Variants in PPM1G observed in about 807,000 individuals in gnomAD.
The protein encoded by PPM1G is protein phosphatase 1G.
Under a neutral mutation model 59.4 loss-of-function variants are expected in PPM1G, and 12 were observed. The ratio of observed to expected loss-of-function variants is 0.20; its 90% confidence interval spans 0.13 to 0.33. PPM1G has a LOEUF of 0.33. Among genes scored for constraint, PPM1G ranks in the 10% least tolerant of loss-of-function variants. The pLI, the probability that PPM1G is intolerant of heterozygous loss-of-function variation, is 1.00. For missense variants in PPM1G, 392 were observed against 681.3 expected (o/e 0.58, Z 4.73); for synonymous variants, 245 against 251.9 (o/e 0.97, Z 0.26).
At chr2:27,399,599 G>A (rs971621364) in intron 1 of PPM1G, among the ~76,000 whole-genome samples, 7 of 152,034 alleles carry the variant, frequency 4.6e-5, no homozygotes, top group Non-Finnish European at 1.0e-4. Flanking sequence ...GCTTGAATCT[G>A]GACAGAGTGA....
At chr2:27,404,616 C>A (rs1663296986) in intron 1 of PPM1G, among the ~76,000 whole-genome samples, 1 of 151,698 alleles carries the variant, frequency 6.6e-6, no homozygotes, top group African/African-American at 2.4e-5. Context: ...ACCTCACAAC[C>A]AAATATTAAA....
intron 1 of PPM1G, among the ~76,000 whole-genome samples, chr2:27,390,714 C>T (rs1683879486): frequency 6.6e-6 from 1 of 152,086 alleles, no homozygotes; most frequent in Non-Finnish European, 1.5e-5. Flanking sequence ...GAAAGGTATA[C>T]TGTGTGATGC....
chr2:27,404,439 A>G (rs1663291521), intron 1 of PPM1G, among the ~76,000 whole-genome samples: 2 of 151,954 alleles, frequency 1.3e-5, no homozygotes, highest in Admixed American at 6.6e-5. Context: ...AATCCCAGCT[A>G]TTTGGAAGGC....
chr2:27,384,129 A>T lies in PPM1G; in HGVS notation c.826-37T>A. ...AGGATCCCAGACTGCTGAGACTGGG[A>T]TGATCCCCTCCCTCCCCACAGCTCA... On this transcript the variant is annotated intron_variant, in intron 5 of 9. Transcript: ENST00000344034. The surrounding 1 kb of genome is among the most constrained non-coding windows in gnomAD (Gnocchi z 4.8). The T allele has an allele frequency of 6.2e-7, 1 of 1,613,470 alleles. No homozygotes were observed. Among genetic ancestry groups the T allele is most frequent in the East Asian group, 2.2e-5 (1 of 44,876 alleles).
Position 27,382,111 on chromosome 2 carries a change from C to T in PPM1G, c.1434+15G>A. 6.2e-7 allele frequency: 1 copy of T among 1,609,488 alleles called. No individual in the cohort carries two copies. ...TGCAGACCAGACACCCTCTCTTCTC[C>T]ACCCTGGTACTCACCTCTTCCACAA... On this transcript the variant is annotated intron_variant, in intron 9 of 9. Transcript: ENST00000344034. This position sits in a 1 kb window ranked among gnomAD's most constrained non-coding sequence, Gnocchi z 4.2.
At chr2:27,392,791 T>C (rs1001767657) in intron 1 of PPM1G, 2 of 1,477,484 alleles carry the variant, frequency 1.4e-6, no homozygotes, top group East Asian at 2.3e-5. Context: ...GGCTTAGCTT[T>C]CATTATCACT....
In PPM1G at chr2:27,385,302, C is replaced by A; in HGVS notation, c.410-214G>T. On this transcript the variant is annotated intron_variant, in intron 4 of 9. Coordinates refer to ENST00000344034, the MANE Select transcript of PPM1G (RefSeq NM_177983.3). The surrounding 1 kb of genome is among the most constrained non-coding windows in gnomAD (Gnocchi z 4.1). ...TGTTTCATCCCCTTCTTAATCAAAACAACACTAGTTACTATACTTCCCCTC... is the reference window on the plus strand; with the variant it reads ...TGTTTCATCCCCTTCTTAATCAAAAAAACACTAGTTACTATACTTCCCCTC... 1 of 544,914 alleles carries A rather than the reference C, an allele frequency of 1.8e-6. No homozygotes were observed. 33.8% of individuals were successfully genotyped at this position (544,914 alleles called of 1,614,324 possible).
At chr2:27,398,365 G>A (rs567209750) in intron 1 of PPM1G, among the ~76,000 whole-genome samples, 1 of 152,068 alleles carries the variant, frequency 6.6e-6, no homozygotes, top group Admixed American at 6.6e-5. Flanking sequence ...CACTCAAAAT[G>A]GATCACAGAA....
rs888600211 is a variant in PPM1G, at chr2:27,385,583, T to G, written c.409+164A>C. 5 of 857,076 alleles carry G rather than the reference T, an allele frequency of 5.8e-6. No individual in the cohort carries two copies. Among genetic ancestry groups the G allele is most frequent in the Non-Finnish European group, 8.6e-6 (5 of 579,794 alleles). The allele number at this position is 857,076 out of a possible 1,614,324, so 53.1% of individuals were successfully genotyped here. ...CACTCAACGAAGATAATTCTCTCCC[T>G]CCTTTTCATAACCACATACAATGCA... On this transcript the variant is annotated intron_variant, in intron 4 of 9. Coordinates refer to ENST00000344034, the MANE Select transcript of PPM1G (RefSeq NM_177983.3). This position sits in a 1 kb window ranked among gnomAD's most constrained non-coding sequence, Gnocchi z 4.1.
chr2:27,404,375 T>C (rs1450335771), intron 1 of PPM1G, among the ~76,000 whole-genome samples: 1 of 151,406 alleles, frequency 6.6e-6, no homozygotes, highest in Non-Finnish European at 1.5e-5. Context: ...AGTGAAATCC[T>C]GTCTCCACTA....
Position 27,382,033 on chromosome 2 carries a change from T to C in PPM1G, c.1434+93A>G. The C allele has an allele frequency of 7.8e-7, 1 of 1,281,842 alleles. No individual in the cohort carries two copies. The highest frequency in any genetic ancestry group is 1.2e-5 in the South Asian group (1 of 81,856). The allele number at this position is 1,281,842 out of a possible 1,614,324, so 79.4% of individuals were successfully genotyped here. On this transcript the variant is annotated intron_variant, in intron 9 of 9. Transcript: ENST00000344034. The surrounding 1 kb of genome is among the most constrained non-coding windows in gnomAD (Gnocchi z 4.2). ...TTTAGCGTCTGTCAGCAATTACTGA[T>C]AATGCTCCCAGATTGCCGACTTAGC...
chr2:27,405,944 A>C (rs1299339042), intron 1 of PPM1G, among the ~76,000 whole-genome samples: 1 of 152,076 alleles, frequency 6.6e-6, no homozygotes, highest in Non-Finnish European at 1.5e-5. Flanking sequence ...CGGAGGTTGC[A>C]GTGAGCCGAG....
Position 27,382,028 on chromosome 2 carries a change from A to T in PPM1G, c.1434+98T>A. Reference sequence around the variant, plus strand: ...CGGGGTTTAGCGTCTGTCAGCAATTACTGATAATGCTCCCAGATTGCCGAC... The same window carrying T: ...CGGGGTTTAGCGTCTGTCAGCAATTTCTGATAATGCTCCCAGATTGCCGAC... On this transcript the variant is annotated intron_variant, in intron 9 of 9. Coordinates refer to ENST00000344034, the MANE Select transcript of PPM1G (RefSeq NM_177983.3). This position sits in a 1 kb window ranked among gnomAD's most constrained non-coding sequence, Gnocchi z 4.2. The T allele has an allele frequency of 8.0e-7, 1 of 1,243,296 alleles. No homozygotes were observed. The highest frequency in any genetic ancestry group is 1.2e-5 in the South Asian group (1 of 80,508). The allele number at this position is 1,243,296 out of a possible 1,614,324, so 77.0% of individuals were successfully genotyped here.
chr2:27,387,070 T>C lies in PPM1G; in HGVS notation c.190+19A>G, dbSNP rs1683781761. 1 of 1,584,434 alleles carries C rather than the reference T, an allele frequency of 6.3e-7. No homozygotes were observed. The highest frequency in any genetic ancestry group is 8.7e-7 in the Non-Finnish European group (1 of 1,153,040). ...AATTGGGGTCCTAGAATGTTACCAA[T>C]ATGATCTGTTAAAGTTACCTCCATG... On this transcript the variant is annotated intron_variant, in intron 2 of 9. Transcript: ENST00000344034.
At position 27,386,275 on chromosome 2, in the gene PPM1G, C is replaced by T. The variant is rs561065684; in HGVS notation, c.195G>A (p.Glu65=). 9.9e-6 allele frequency: 16 copies of T among 1,611,838 alleles called. No homozygotes were observed. The highest frequency in any genetic ancestry group is 3.3e-5 in the Admixed American group (2 of 59,970). The change falls in exon 3 of 10, where the codon GAG becomes GAA. Residue 65 remains glutamate, a synonymous_variant. Coordinates refer to ENST00000344034, the MANE Select transcript of PPM1G (RefSeq NM_177983.3). The stretch of plus-strand genomic sequence containing the variant: ...ATTTGGCACAGTACAAGGCAACTTC[C>T]TCCCCTAGAAGGAAAGGAAGGAAGG... The part of the protein sequence containing the change: ...MFSVYDGHGG[E]EVALYCAKYL...
rs770988405 is a variant in PPM1G at position 27,384,736 on chromosome 2, G to A, written c.762C>T (p.Ser254=). Residue 254 remains serine (S), a synonymous_variant, in exon 5 of 10, where the codon TCC becomes TCT. Coordinates refer to ENST00000344034, the MANE Select transcript of PPM1G (RefSeq NM_177983.3). This position sits in a 1 kb window ranked among gnomAD's most constrained non-coding sequence, Gnocchi z 4.8. ...CATCCTCACTGTCCTCAAAGAACTTGGACTTAGCAACTCGAGGCAGCTTGT... is the reference window on the plus strand; with the variant it reads ...CATCCTCACTGTCCTCAAAGAACTTAGACTTAGCAACTCGAGGCAGCTTGT... The part of the protein sequence containing the change: ...ASDKLPRVAK[S]KFFEDSEDES... The A allele has an allele frequency of 1.1e-5, 17 of 1,614,164 alleles. No individual in the cohort carries two copies. In the South Asian group the frequency reaches 1.8e-4, roughly 17 times the overall value.
Position 27,385,395 on chromosome 2 carries a change from A to G in PPM1G, c.410-307T>C, listed in dbSNP as rs1177157556. 6 of 421,520 alleles carry G rather than the reference A, an allele frequency of 1.4e-5. No individual in the cohort carries two copies. The highest frequency in any genetic ancestry group is 2.5e-5 in the Non-Finnish European group (6 of 238,794). The allele number at this position is 421,520 out of a possible 1,614,324, so 26.1% of individuals were successfully genotyped here. A position where few individuals can be genotyped will look rare whatever the true frequency, so the allele number is the denominator to read the frequency against. On this transcript the variant is annotated intron_variant, in intron 4 of 9. Transcript: ENST00000344034. The surrounding 1 kb of genome is among the most constrained non-coding windows in gnomAD (Gnocchi z 4.1). ...TGGCTGAGGATCCAGGAAGCCCACA[A>G]TGCTACTGTGAATTAGGATTTAGGC...
chr2:27,387,307 C>T, intron 1 of PPM1G, 149 bp from the exon 2 acceptor site: 1 of 618,320 alleles, frequency 1.6e-6, no homozygotes. Context: ...AAAATAAATA[C>T]AGAGGAAGAA....
Position 27,381,512 on chromosome 2 carries a change from G to A in PPM1G, c.*87C>T. On this transcript the variant is annotated 3_prime_UTR_variant, in exon 10 of 10. Transcript: ENST00000344034. The stretch of plus-strand genomic sequence containing the variant: ...TCCCCCTGCACACCTCATACCCACT[G>A]CTAAGGCTAAAGGAAAAAGACAAAA... The A allele has an allele frequency of 2.2e-5, 33 of 1,520,346 alleles. No individual in the cohort carries two copies. The highest frequency in any genetic ancestry group is 2.9e-5 in the Non-Finnish European group (32 of 1,099,696). 94.2% of individuals were successfully genotyped at this position (1,520,346 alleles called of 1,614,324 possible).
Sources: allele counts gnomAD v4.1 joint callset (sites outside exome capture counted in the v4.1 genomes callset), GRCh38; gene constraint gnomAD v4.1.1; non-coding constraint Gnocchi (gnomAD v3.1); transcripts MANE v1.5; gene names NCBI Gene and HGNC (gene_info 2026-07-23, HGNC 2026-07-21).